Variants in NUSAP1 observed in about 807,000 individuals in gnomAD.
NUSAP1 encodes nucleolar and spindle associated protein 1, also known as nucleolar and spindle-associated protein 1.
In NUSAP1, 32 loss-of-function variants were observed where a neutral mutation model predicts 52.8. That is an observed-to-expected ratio of 0.61 (90% CI 0.46 to 0.81). The LOEUF (loss-of-function observed/expected upper bound fraction) is 0.81, where lower values mean the gene tolerates loss of function less well. Ranked by LOEUF, NUSAP1 falls within the 40% of genes least tolerant of loss-of-function variation. The pLI is 0.00. For missense variants in NUSAP1, 499 were observed against 522.3 expected (o/e 0.96, Z 0.43); for synonymous variants, 195 against 183.1 (o/e 1.06, Z -0.52).
chr15:41,377,617 T>C (rs1299589785), intron 10 of NUSAP1, among the ~76,000 whole-genome samples: 5 of 137,470 alleles, frequency 3.6e-5, no homozygotes, highest in African/African-American at 1.4e-4. Flanking sequence ...GAGAATGGCG[T>C]GAACCCAGGA....
rs145811824 is a variant in NUSAP1, at chr15:41,372,413, T to G, written c.1006+729T>G. On this transcript the variant is annotated intron_variant, in intron 8 of 10. Coordinates refer to ENST00000559596, the MANE Select transcript of NUSAP1 (RefSeq NM_016359.5). The stretch of plus-strand genomic sequence containing the variant: ...TATTTTTCAGTGGTGTGGGTATATG[T>G]CAGTTTATCTATTTTACTATTCACG... Among the ~76,000 whole-genome samples the G allele has an allele frequency of 3.1e-3, 473 of 152,330 alleles. 3 individuals carry two copies. The highest frequency in any genetic ancestry group is 0.011 in the African/African-American group (460 of 41,596).
At chr15:41,336,941 A>G (rs914774693) in intron 1 of NUSAP1, among the ~76,000 whole-genome samples, 7 of 151,546 alleles carry the variant, frequency 4.6e-5, no homozygotes, top group Non-Finnish European at 8.8e-5. Context: ...GATGCAATCA[A>G]CAGAAAACTG....
chr15:41,351,656 G>A (rs961022926), intron 4 of NUSAP1, among the ~76,000 whole-genome samples: 2 of 152,094 alleles, frequency 1.3e-5, no homozygotes, highest in Non-Finnish European at 2.9e-5. Context: ...CCATGATGGT[G>A]CACACCTGTG....
intron 6 of NUSAP1, 27 bp downstream of exon 6, chr15:41,358,285 T>C: frequency 9.4e-7 from 1 of 1,065,662 alleles, no homozygotes; most frequent in Non-Finnish European, 1.4e-6. Context: ...ATGTTCTTAA[T>C]GGAACTAAAC....
At chr15:41,375,907 C>T in intron 9 of NUSAP1, 79 bp downstream of exon 9, 2 of 970,242 alleles carry the variant, frequency 2.1e-6, no homozygotes, top group South Asian at 1.3e-5. Flanking sequence ...ACCTACTAAA[C>T]ATACAAAAAT....
chr15:41,372,725 C>T (rs2140839988), intron 8 of NUSAP1, among the ~76,000 whole-genome samples: 1 of 152,162 alleles, frequency 6.6e-6, no homozygotes, highest in African/African-American at 2.4e-5. Context: ...GGTCTTAGAT[C>T]CTGATTGCTG....
chr15:41,358,232 G>T lies in NUSAP1; in HGVS notation c.634G>T (p.Glu212Ter). Reference sequence around the variant, plus strand: ...TGAGAGAAAAAAGAAACATTTTGAAGAACACAATTCCATGAATGAACTGAA... The same window carrying T: ...TGAGAGAAAAAAGAAACATTTTGAATAACACAATTCCATGAATGAACTGAA... ...YIERKKKHFE[E>*]HNSMNELKQQ... Residue 212 changes from glutamate to a stop codon, truncating the protein, a stop_gained, in exon 6 of 11, where the codon GAA (glutamate) becomes TAA (stop). Coordinates refer to ENST00000559596, the MANE Select transcript of NUSAP1 (RefSeq NM_016359.5). LOFTEE classifies it high-confidence loss of function. The T allele has an allele frequency of 6.5e-7, 1 of 1,532,216 alleles. No homozygotes were observed. Among genetic ancestry groups the T allele is most frequent in the South Asian group, 1.1e-5 (1 of 86,976 alleles). 94.9% of individuals were successfully genotyped at this position (1,532,216 alleles called of 1,614,324 possible). A position where few individuals can be genotyped will look rare whatever the true frequency, so the allele number is the denominator to read the frequency against.
At chr15:41,356,295 A>G (rs1353434013) in intron 5 of NUSAP1, among the ~76,000 whole-genome samples, 155 bp downstream of exon 5, 5 of 151,954 alleles carry the variant, frequency 3.3e-5, no homozygotes, top group African/African-American at 1.2e-4. Flanking sequence ...ACTCATCCTC[A>G]ATAAACTCAC....
Position 41,378,955 on chromosome 15 carries a change from T to TTTTTTTTTTTTTG in NUSAP1, c.1233-1126_1233-1125insGTTTTTTTTTTTT, listed in dbSNP as rs1555379795. The stretch of plus-strand genomic sequence containing the variant: ...ATTAACTTATCTTGGTTTTTTTTTT[T>TTTTTTTTTTTTTG]TTTTTTTTTTTTTTTTGAGATGGAG... On this transcript the variant is annotated intron_variant, in intron 10 of 10. Coordinates refer to ENST00000559596, the MANE Select transcript of NUSAP1 (RefSeq NM_016359.5). 2.2e-4 allele frequency among the ~76,000 whole-genome samples: 24 copies of TTTTTTTTTTTTTG among 108,540 alleles called. 2 individuals are homozygous for TTTTTTTTTTTTTG. The highest frequency in any genetic ancestry group is 3.2e-4 in the Non-Finnish European group (17 of 53,556). The allele number at this position is 108,540 out of a possible 152,430, so 71.2% of individuals were successfully genotyped here. A position where few individuals can be genotyped will look rare whatever the true frequency, so the allele number is the denominator to read the frequency against.
At chr15:41,333,853 A>G (rs896394984) in intron 1 of NUSAP1, among the ~76,000 whole-genome samples, 3 of 152,206 alleles carry the variant, frequency 2.0e-5, no homozygotes, top group Non-Finnish European at 4.4e-5. Flanking sequence ...CCGAGGTGGC[A>G]GTGAGCCAAG....
intron 2 of NUSAP1, among the ~76,000 whole-genome samples, chr15:41,344,621 A>G (rs1467127715): frequency 6.6e-6 from 1 of 150,380 alleles, no homozygotes; most frequent in Non-Finnish European, 1.5e-5. Flanking sequence ...CTGGGCGACA[A>G]AGCGAGACTC....
At chr15:41,375,856 G>A (rs760599639) in intron 9 of NUSAP1, 28 bp downstream of exon 9, 1 of 1,471,994 alleles carries the variant, frequency 6.8e-7, no homozygotes, top group East Asian at 2.3e-5. Flanking sequence ...GAGCTACAGG[G>A]CCTGTAAAAT....
rs377511105 is a variant in NUSAP1 at position 41,371,551 on chromosome 15, T to C, written c.873T>C (p.Asn291=). ...GVRFSAATKD[N]EHKRSLTKTP... The stretch of plus-strand genomic sequence containing the variant: ...GGTTTTCAGCTGCTACTAAAGATAA[T>C]GAGCATAAGCGTTCACTGACCAAGA... Residue 291 remains asparagine (N), a synonymous_variant, in exon 8 of 11, where the codon AAT becomes AAC. Transcript: ENST00000559596. 48 of 1,601,880 alleles carry C rather than the reference T, an allele frequency of 3.0e-5. No homozygotes were observed. Among genetic ancestry groups the C allele is most frequent in the Non-Finnish European group, 3.4e-5 (40 of 1,176,748 alleles).
chr15:41,368,866 G>A lies in NUSAP1; in HGVS notation c.849-2661G>A, dbSNP rs1484894045. Among the ~76,000 whole-genome samples the A allele has an allele frequency of 2.0e-5, 3 of 151,112 alleles. No individual in the cohort carries two copies. In the Admixed American group the frequency reaches 2.0e-4, roughly 10 times the overall value. ...TCATGCCTCAGCCTCCTGAGTAGCT[G>A]GGACTACAGGTGTGTGCCACTACAT... On this transcript the variant is annotated intron_variant, in intron 7 of 10. Transcript: ENST00000559596.
rs1024462763 is a variant in NUSAP1 at position 41,335,655 on chromosome 15, A to G, written c.93+2605A>G. On this transcript the variant is annotated intron_variant, in intron 1 of 10. Coordinates refer to ENST00000559596, the MANE Select transcript of NUSAP1 (RefSeq NM_016359.5). ...TATACTATATATAAATATATTAAAT[A>G]TATAAATATACTAAATATAAATATA... Among the ~76,000 whole-genome samples the G allele has an allele frequency of 1.0e-4, 14 of 140,174 alleles. No individual in the cohort carries two copies. In the East Asian group the frequency reaches 2.8e-3, roughly 28 times the overall value. The allele number at this position is 140,174 out of a possible 152,430, so 92.0% of individuals were successfully genotyped here.
At chr15:41,348,799 C>A (rs542160774) in intron 2 of NUSAP1, among the ~76,000 whole-genome samples, 1 of 151,800 alleles carries the variant, frequency 6.6e-6, no homozygotes, top group African/African-American at 2.4e-5. Flanking sequence ...CCACCATGCC[C>A]GGGTAATTTT....
rs958820871 is a variant in NUSAP1 at position 41,348,999 on chromosome 15, G to A, written c.163-99G>A. ...TAGAGAGTTTTAAATTTTTTCTTTT[G>A]CATATGTAATATGTTTTTTATTCTG... On this transcript the variant is annotated intron_variant, in intron 2 of 10. Transcript: ENST00000559596. 13 of 1,215,152 alleles carry A rather than the reference G, an allele frequency of 1.1e-5. 1 individual carries two copies. In the East Asian group the frequency reaches 3.1e-4, roughly 29 times the overall value. The allele number at this position is 1,215,152 out of a possible 1,614,324, so 75.3% of individuals were successfully genotyped here. A position where few individuals can be genotyped will look rare whatever the true frequency, so the allele number is the denominator to read the frequency against.
intron 3 of NUSAP1, 91 bp from the exon 4 acceptor site, chr15:41,350,897 C>A (rs2048752891): frequency 9.1e-7 from 1 of 1,095,364 alleles, no homozygotes; most frequent in East Asian, 2.6e-5. Flanking sequence ...CTTCCTTTAA[C>A]CCCTTTTCCC....
chr15:41,355,538 A>T (rs531017769), intron 4 of NUSAP1, among the ~76,000 whole-genome samples: 1 of 152,240 alleles, frequency 6.6e-6, no homozygotes, highest in South Asian at 2.1e-4. Flanking sequence ...GCCTACTTGA[A>T]GCATATGACC....
Sources: allele counts gnomAD v4.1 joint callset (sites outside exome capture counted in the v4.1 genomes callset), GRCh38; gene constraint gnomAD v4.1.1; transcripts MANE v1.5; gene names NCBI Gene and HGNC (gene_info 2026-07-23, HGNC 2026-07-21).